The following HEXD variants were observed in gnomAD, a reference collection of about 807,000 sequenced individuals.
HEXD encodes hexosaminidase D.
A neutral mutation model predicts 54.2 loss-of-function variants in HEXD; 47 were observed. That is an observed-to-expected ratio of 0.87 (90% confidence interval 0.69 to 1.11). The LOEUF is 1.11. Among genes scored for constraint, HEXD ranks in the 50% least tolerant of loss-of-function variants. The pLI is 0.00. For synonymous variants in HEXD, 293 were observed against 287.6 expected (o/e 1.02, Z -0.19); for missense variants, 576 against 649.2 (o/e 0.89, Z 1.23).
intron 4 of HEXD, among the ~76,000 whole-genome samples, chr17:82,432,812 C>A (rs1351984502): frequency 2.0e-5 from 3 of 151,696 alleles, no homozygotes; most frequent in Admixed American, 6.6e-5. Flanking sequence ...GCCTGTAATC[C>A]CAGCACTTTG....
chr17:82,421,769 T>C (rs937328101), intron 2 of HEXD, among the ~76,000 whole-genome samples: 37 of 152,034 alleles, frequency 2.4e-4, no homozygotes, highest in Admixed American at 2.0e-3. Context: ...GAGGTTGCAG[T>C]GAGCCAAGAT....
rs759491882 is a variant in HEXD, at chr17:82,441,844, T to G, written c.1208T>G (p.Leu403Arg). ...WFSPYHRQRK[L>R]IHPVMVQHIQ... is the part of the protein sequence containing the mutation. ...AGCCCCTACCACCGCCAGCGGAAGC[T>G]CATCCACCCGGTCATGGTTCAGCAC... Residue 403 changes from leucine to arginine, a missense_variant, in exon 12 of 13, where the codon CTC (leucine) becomes CGC (arginine). Physicochemically the swap from Leu to Arg is moderately radical, Grantham distance 102. Coordinates refer to ENST00000327949, the MANE Select transcript of HEXD (RefSeq NM_001330542.2). 7.4e-6 allele frequency: 12 copies of G among 1,613,180 alleles called. No homozygotes were observed. The highest frequency in any genetic ancestry group is 1.0e-5 in the Non-Finnish European group (12 of 1,179,966).
At chr17:82,425,052 C>CGG (rs1567884018) in intron 3 of HEXD, among the ~76,000 whole-genome samples, 2 of 123,458 alleles carry the variant, frequency 1.6e-5, no homozygotes, top group African/African-American at 6.4e-5. Context: ...TGGAGGAGGC[C>CGG]AGAGAAGGCT....
Position 82,441,334 on chromosome 17 carries a change from G to A in HEXD, c.1163+68G>A, listed in dbSNP as rs2053950148. The A allele has an allele frequency of 3.1e-6, 4 of 1,270,000 alleles. No individual in the cohort carries two copies. In the Admixed American group the frequency reaches 7.3e-5, roughly 23 times the overall value. 78.7% of individuals were successfully genotyped at this position (1,270,000 alleles called of 1,614,324 possible). A position where few individuals can be genotyped will look rare whatever the true frequency, so the allele number is the denominator to read the frequency against. Reference sequence around the variant, plus strand: ...GCATGGGGCGGGTGCAGGTGAGGGGGCAGGTGTGGGTGGGAGGCAGGTGCG... The same window carrying A: ...GCATGGGGCGGGTGCAGGTGAGGGGACAGGTGTGGGTGGGAGGCAGGTGCG... On this transcript the variant is annotated intron_variant, in intron 11 of 12. Transcript: ENST00000327949.
intron 9 of HEXD, chr17:82,440,194 C>T (rs2053890545): frequency 1.6e-6 from 2 of 1,289,266 alleles, no homozygotes; most frequent in South Asian, 2.5e-5. Context: ...GGGGCTTGGC[C>T]AGAGGAGCTG....
chr17:82,441,307 A>G, intron 11 of HEXD, 41 bp downstream of exon 11: 2 of 803,024 alleles, frequency 2.5e-6, no homozygotes, highest in South Asian at 1.7e-5. Context: ...TGAGGGGGGC[A>G]GGCATGGGGC....
intron 9 of HEXD, chr17:82,440,213 G>C: frequency 7.8e-7 from 1 of 1,289,096 alleles, no homozygotes; most frequent in Non-Finnish European, 1.0e-6. Context: ...TGTGTGTGTG[G>C]AAACTCGCAG....
In HEXD at chr17:82,441,000, G is replaced by A. The variant is rs971719092; in HGVS notation, c.986G>A (p.Gly329Glu). ...AACLQLLLRG[G>E]FDEDVKAKVE... is the part of the protein sequence containing the mutation. ...CCCCGCTCATTTGTGATTTCAGGAG[G>A]ATTTGATGAAGATGTTAAAGCGAAA... The change falls in exon 10 of 13, where the codon GGA (glycine) becomes GAA (glutamate). Residue 329 changes from glycine to glutamate, a missense_variant. Coordinates refer to ENST00000327949, the MANE Select transcript of HEXD (RefSeq NM_001330542.2). 1.2e-6 allele frequency: 2 copies of A among 1,613,518 alleles called. No homozygotes were observed. Among genetic ancestry groups the A allele is most frequent in the Non-Finnish European group, 1.7e-6 (2 of 1,179,992 alleles).
rs2054008444 is a variant in HEXD at position 82,442,209 on chromosome 17, A to C, written c.1286A>C (p.Glu429Ala). Residue 429 changes from glutamate to alanine, a missense_variant, in exon 13 of 13, where the codon GAG becomes GCG. Physicochemically the swap from Glu to Ala is moderately radical, Grantham distance 107. Transcript: ENST00000327949. The surrounding 1 kb of genome is among the most constrained non-coding windows in gnomAD (Gnocchi z 6.8). ...GCACAGTGGAGCACCCTCGTGCAGG[A>C]GCTGGAGGCTGCCCTGCAGCTGGCT... is the stretch of plus-strand genomic sequence containing the variant. The part of the protein sequence containing the change: ...LLAQWSTLVQ[E>A]LEAALQLAFY... The C allele has an allele frequency of 6.2e-7, 1 of 1,603,798 alleles. No individual in the cohort carries two copies. The highest frequency in any genetic ancestry group is 8.5e-7 in the Non-Finnish European group (1 of 1,179,284).
At position 82,442,427 on chromosome 17, in the gene HEXD, G is replaced by C. The variant is rs376677461; in HGVS notation, c.*43G>C. 6.2e-7 allele frequency: 1 copy of C among 1,610,008 alleles called. No homozygotes were observed. The highest frequency in any genetic ancestry group is 8.5e-7 in the Non-Finnish European group (1 of 1,177,588). On this transcript the variant is annotated 3_prime_UTR_variant, in exon 13 of 13. Coordinates refer to ENST00000327949, the MANE Select transcript of HEXD (RefSeq NM_001330542.2). The surrounding 1 kb of genome is among the most constrained non-coding windows in gnomAD (Gnocchi z 6.8). ...GGGGGCTCCTGCTGGAGGCTGGGGG[G>C]GCTCTGCACTGCCAAATGGCCTGGG...
At chr17:82,433,128 A>ATATTTTT (rs71168109) in intron 4 of HEXD, among the ~76,000 whole-genome samples, 5 of 13,068 alleles carry the variant, frequency 3.8e-4, no homozygotes, top group Admixed American at 1.5e-3. Context: ...ATATATATAT[A>ATATTTTT]TTTTTTTTTT....
At chr17:82,440,187 G>T (rs1455096684) in intron 9 of HEXD, 16 of 1,289,662 alleles carry the variant, frequency 1.2e-5, no homozygotes, top group Non-Finnish European at 1.6e-5. Context: ...TCGGCAGGGG[G>T]CTTGGCCAGA....
At chr17:82,429,406 C>T (rs985057488) in intron 4 of HEXD, among the ~76,000 whole-genome samples, 2 of 152,108 alleles carry the variant, frequency 1.3e-5, no homozygotes, top group East Asian at 1.9e-4. Context: ...TTCCACACAC[C>T]GCGGGTAAGA....
At chr17:82,439,544 C>T in intron 8 of HEXD, 87 bp from the exon 9 acceptor site, 1 of 1,489,864 alleles carries the variant, frequency 6.7e-7, no homozygotes, top group Non-Finnish European at 8.9e-7. Flanking sequence ...GGCCCTGGAA[C>T]AACAGCAGGG....
At chr17:82,432,966 T>G (rs1327177699) in intron 4 of HEXD, among the ~76,000 whole-genome samples, 4 of 141,888 alleles carry the variant, frequency 2.8e-5, no homozygotes, top group African/African-American at 1.1e-4. Context: ...CTCGGGAGGC[T>G]GAGGCAGGAG....
chr17:82,428,427 C>T (rs936203642), intron 3 of HEXD, 131 bp from the exon 4 acceptor site: 11 of 679,442 alleles, frequency 1.6e-5, no homozygotes, highest in African/African-American at 1.6e-4. Flanking sequence ...ACCTGTCAAG[C>T]TTTGTGGAGT....
Position 82,434,069 on chromosome 17 carries a change from G to A in HEXD, c.447+247G>A, listed in dbSNP as rs1208901557. On this transcript the variant is annotated intron_variant, in intron 5 of 12. Coordinates refer to ENST00000327949, the MANE Select transcript of HEXD (RefSeq NM_001330542.2). This position sits in a 1 kb window ranked among gnomAD's most constrained non-coding sequence, Gnocchi z 4.5. ...TCCGGGTGGATGGGCGGCCTGGCAC[G>A]GGACAGCCTGCAGAGCCCGAGGGAG... 1.3e-5 allele frequency among the ~76,000 whole-genome samples: 2 copies of A among 152,098 alleles called. No homozygotes were observed. The highest frequency in any genetic ancestry group is 2.9e-5 in the Non-Finnish European group (2 of 68,006).
chr17:82,439,402 C>A (rs368260562), intron 8 of HEXD: 1 of 981,450 alleles, frequency 1.0e-6, no homozygotes. Context: ...GCAAGGAATC[C>A]CCACGCTCTT....
Position 82,437,148 on chromosome 17 carries a change from C to T in HEXD, c.704-20C>T. On this transcript the variant is annotated intron_variant, in intron 7 of 12. Coordinates refer to ENST00000327949, the MANE Select transcript of HEXD (RefSeq NM_001330542.2). The stretch of plus-strand genomic sequence containing the variant: ...GGCCGCCTCCCCTGGAGCCACTCAC[C>T]TGTTTGCTTTCTCACCCAGTCCTCC... 6.4e-7 allele frequency: 1 copy of T among 1,561,366 alleles called. No homozygotes were observed. The highest frequency in any genetic ancestry group is 8.7e-7 in the Non-Finnish European group (1 of 1,147,224).
Sources: gnomAD v4.1 joint callset for allele counts (sites outside exome capture counted in the v4.1 genomes callset) on GRCh38, gnomAD v4.1.1 for gene constraint, Gnocchi (gnomAD v3.1) non-coding constraint, MANE v1.5 for transcripts, NCBI Gene and HGNC (gene_info 2026-07-23, HGNC 2026-07-21) for gene names.